Variants in SOCS4 observed in about 807,000 individuals in gnomAD.
SOCS4 encodes the protein SH2 domain containing SOCS box protein.
In SOCS4, 20 loss-of-function variants were observed where a neutral mutation model predicts 34.1. The observed-to-expected ratio is 0.59, with a 90% CI of 0.41 to 0.85. The LOEUF (loss-of-function observed/expected upper bound fraction) is 0.85. SOCS4 is among the 40% of genes least tolerant of loss of function. SOCS4 has a pLI of 0.00. For synonymous variants in SOCS4, 180 were observed against 186.4 expected (o/e 0.97, Z 0.28); for missense variants, 479 against 532.4 (o/e 0.90, Z 0.99).
At position 55,045,884 on chromosome 14, in the gene SOCS4, T is replaced by C. The variant is rs770874488; in HGVS notation, c.*1520T>C. On this transcript the variant is annotated 3_prime_UTR_variant, in exon 3 of 3. Coordinates refer to ENST00000555846, the MANE Select transcript of SOCS4 (RefSeq NM_199421.2). ...CCAAGTTAGAACAAATATTTCTTCATTATTGTTGCTTTTATGTGAGTAGCA... is the reference window on the plus strand; with the variant it reads ...CCAAGTTAGAACAAATATTTCTTCACTATTGTTGCTTTTATGTGAGTAGCA... The C allele has an allele frequency of 5.4e-5, 9 of 167,098 alleles. No individual in the cohort carries two copies. Among genetic ancestry groups the C allele is most frequent in the Non-Finnish European group, 1.2e-4 (8 of 68,004 alleles). 10.4% of individuals were successfully genotyped at this position (167,098 alleles called of 1,614,324 possible).
intron 2 of SOCS4, among the ~76,000 whole-genome samples, chr14:55,036,055 C>T (rs910904559): frequency 7.2e-5 from 11 of 152,106 alleles, no homozygotes; most frequent in East Asian, 5.8e-4. Context: ...TAATGCCTGC[C>T]GCCGCTATGC....
chr14:55,040,396 A>G (rs1348917526), intron 2 of SOCS4, among the ~76,000 whole-genome samples: 2 of 152,192 alleles, frequency 1.3e-5, no homozygotes, highest in Non-Finnish European at 2.9e-5. Flanking sequence ...GTCCTCCCAA[A>G]CACTTTTAAT....
chr14:55,027,655 G>A (rs1048311447), intron 1 of SOCS4, 184 bp downstream of exon 1: 5 of 152,254 alleles, frequency 3.3e-5, no homozygotes, highest in Admixed American at 6.5e-5. Context: ...ATCTTCTAGA[G>A]CCTCTAATCT....
intron 1 of SOCS4, among the ~76,000 whole-genome samples, chr14:55,030,333 A>G (rs2042517695): frequency 6.6e-6 from 1 of 152,178 alleles, no homozygotes; most frequent in Non-Finnish European, 1.5e-5. Flanking sequence ...GCTTCTAAAA[A>G]ACTACAATTT....
At position 55,048,302 on chromosome 14, in the gene SOCS4, A is replaced by G. The variant is rs2042694993; in HGVS notation, c.*3938A>G. On this transcript the variant is annotated 3_prime_UTR_variant, in exon 3 of 3. Transcript: ENST00000555846. Reference sequence around the variant, plus strand: ...TCAGAATCCAATAAACAGCTTACGCATTCATTTTGGTAAAGCAAATTTCAC... The same window carrying G: ...TCAGAATCCAATAAACAGCTTACGCGTTCATTTTGGTAAAGCAAATTTCAC... 6.0e-6 allele frequency: 1 copy of G among 167,128 alleles called. No individual in the cohort carries two copies. Among genetic ancestry groups the G allele is most frequent in the Non-Finnish European group, 1.5e-5 (1 of 68,132 alleles). 10.4% of individuals were successfully genotyped at this position (167,128 alleles called of 1,614,324 possible).
Position 55,047,437 on chromosome 14 carries a change from G to A in SOCS4, c.*3073G>A, listed in dbSNP as rs1467229999. On this transcript the variant is annotated 3_prime_UTR_variant, in exon 3 of 3. Transcript: ENST00000555846. ...TTTTTAAGGTTCCTTTAGCATTTTTGTATAGAGTTATATGTGATCTTTCTA... is the reference window on the plus strand; with the variant it reads ...TTTTTAAGGTTCCTTTAGCATTTTTATATAGAGTTATATGTGATCTTTCTA... 6 of 166,860 alleles carry A rather than the reference G, an allele frequency of 3.6e-5. No homozygotes were observed. The highest frequency in any genetic ancestry group is 1.3e-4 in the Admixed American group (2 of 15,276). The allele number at this position is 166,860 out of a possible 1,614,324, so 10.3% of individuals were successfully genotyped here. A position where few individuals can be genotyped will look rare whatever the true frequency, so the allele number is the denominator to read the frequency against.
chr14:55,041,555 T>G (rs565109451), intron 2 of SOCS4, among the ~76,000 whole-genome samples: 1 of 147,984 alleles, frequency 6.8e-6, no homozygotes, highest in East Asian at 2.1e-4. Context: ...CTCAGCCCAC[T>G]GCAACCTCTG....
intron 2 of SOCS4, among the ~76,000 whole-genome samples, chr14:55,035,478 A>G (rs2042564708): frequency 6.6e-6 from 1 of 152,148 alleles, no homozygotes; most frequent in African/African-American, 2.4e-5. Context: ...CCTCCTGAAA[A>G]TTATATTTGC....
rs751295645 is a variant in SOCS4, at chr14:55,043,731, C to T, written c.690C>T (p.Ser230=). The T allele has an allele frequency of 5.0e-5, 80 of 1,613,832 alleles. No homozygotes were observed. The highest frequency in any genetic ancestry group is 6.7e-5 in the African/African-American group (5 of 74,840). ...GTATAGAAGATAGTGATATGGATTC[C>T]GATGATGAAATTCTAACACTTTGCA... ...NNSIEDSDMD[S]DDEILTLCTS... is the part of the protein sequence containing the mutation. Residue 230 remains serine, a synonymous_variant, in exon 3 of 3, where the codon TCC becomes TCT. Transcript: ENST00000555846.
Position 55,044,759 on chromosome 14 carries a change from C to G in SOCS4, c.*395C>G, listed in dbSNP as rs953487520. The G allele has an allele frequency of 6.0e-6, 1 of 167,190 alleles. No individual in the cohort carries two copies. The highest frequency in any genetic ancestry group is 6.5e-5 in the Admixed American group (1 of 15,284). The allele number at this position is 167,190 out of a possible 1,614,324, so 10.4% of individuals were successfully genotyped here. ...TTTAAAAGTAATCTTATGTCCTTTC[C>G]TACATGTAAAATATTTTGTTAATCT... On this transcript the variant is annotated 3_prime_UTR_variant, in exon 3 of 3. Coordinates refer to ENST00000555846, the MANE Select transcript of SOCS4 (RefSeq NM_199421.2).
Position 55,043,155 on chromosome 14 carries a change from T to A in SOCS4, c.114T>A (p.Ser38=), listed in dbSNP as rs1243086823. The A allele has an allele frequency of 6.2e-7, 1 of 1,614,100 alleles. No individual in the cohort carries two copies. The change falls in exon 3 of 3, where the codon TCT becomes TCA. Residue 38 remains serine, a synonymous_variant. Transcript: ENST00000555846. The part of the protein sequence containing the change: ...DGYVWSGKKL[S]WSKKSESYSD... ...ATGTGTGGAGTGGAAAGAAGTTATC[T>A]TGGTCAAAAAAGAGTGAGAGTTATT...
At chr14:55,042,618 A>T (rs2042630444) in intron 2 of SOCS4, among the ~76,000 whole-genome samples, 1 of 152,196 alleles carries the variant, frequency 6.6e-6, no homozygotes, top group South Asian at 2.1e-4. Context: ...GTAAGGAGAG[A>T]TGAGCATAAG....
chr14:55,042,279 G>A (rs2042627528), intron 2 of SOCS4, among the ~76,000 whole-genome samples: 1 of 152,166 alleles, frequency 6.6e-6, no homozygotes, highest in Non-Finnish European at 1.5e-5. Flanking sequence ...AAATGAGTAT[G>A]TGTTTAAAAT....
intron 2 of SOCS4, among the ~76,000 whole-genome samples, chr14:55,034,811 CT>C (rs2042557783): frequency 6.8e-6 from 1 of 147,520 alleles, no homozygotes; most frequent in African/African-American, 2.5e-5. Flanking sequence ...CAGAGTGAGA[CT>C]TCACCTCAAA....
At chr14:55,037,054 T>G (rs899408399) in intron 2 of SOCS4, among the ~76,000 whole-genome samples, 1 of 152,000 alleles carries the variant, frequency 6.6e-6, no homozygotes, top group Non-Finnish European at 1.5e-5. Flanking sequence ...GAAACAGAGG[T>G]TGCAGTGAGC....
Position 55,043,152 on chromosome 14 carries a change from A to G in SOCS4, c.111A>G (p.Leu37=). 6.2e-7 allele frequency: 1 copy of G among 1,614,250 alleles called. No individual in the cohort carries two copies. The highest frequency in any genetic ancestry group is 8.5e-7 in the Non-Finnish European group (1 of 1,180,030). The change falls in exon 3 of 3, where the codon TTA becomes TTG. Residue 37 remains leucine, a synonymous_variant. Transcript: ENST00000555846. Reference sequence around the variant, plus strand: ...GTTATGTGTGGAGTGGAAAGAAGTTATCTTGGTCAAAAAAGAGTGAGAGTT... The same window carrying G: ...GTTATGTGTGGAGTGGAAAGAAGTTGTCTTGGTCAAAAAAGAGTGAGAGTT... ...KDGYVWSGKK[L]SWSKKSESYS...
At chr14:55,037,282 C>T (rs988447347) in intron 2 of SOCS4, among the ~76,000 whole-genome samples, 9 of 150,320 alleles carry the variant, frequency 6.0e-5, no homozygotes, top group African/African-American at 2.2e-4. Flanking sequence ...GTAGCTGGGA[C>T]TACAGGTGCC....
Position 55,043,450 on chromosome 14 carries a change from C to T in SOCS4, c.409C>T (p.Arg137Ter). The change falls in exon 3 of 3, where the codon CGA becomes TGA. Residue 137 changes from arginine (R) to a stop codon, truncating the protein, a stop_gained. Transcript: ENST00000555846. LOFTEE classifies it high-confidence loss of function. ...LMLDKCPFPPRSDLAFRWHFI... is the reference protein window; with the variant it reads ...LMLDKCPFPP Reference sequence around the variant, plus strand: ...GTTAGATAAGTGTCCTTTCCCACCTCGATCAGATTTAGCCTTTAGGTGGCA... The same window carrying T: ...GTTAGATAAGTGTCCTTTCCCACCTTGATCAGATTTAGCCTTTAGGTGGCA... 3.1e-6 allele frequency: 5 copies of T among 1,614,034 alleles called. No homozygotes were observed. The highest frequency in any genetic ancestry group is 2.2e-5 in the East Asian group (1 of 44,900).
Position 55,044,079 on chromosome 14 carries a change from A to G in SOCS4, c.1038A>G (p.Ala346=), listed in dbSNP as rs1286934717. Residue 346 remains alanine (A), a synonymous_variant, in exon 3 of 3, where the codon GCA becomes GCG. Coordinates refer to ENST00000555846, the MANE Select transcript of SOCS4 (RefSeq NM_199421.2). ...EQWNHNFSFD[A]HDPCVFHSPD... Reference sequence around the variant, plus strand: ...GGAATCACAACTTTAGCTTTGATGCACATGACCCCTGTGTCTTCCATTCTC... The same window carrying G: ...GGAATCACAACTTTAGCTTTGATGCGCATGACCCCTGTGTCTTCCATTCTC... The G allele has an allele frequency of 1.9e-6, 3 of 1,614,168 alleles. No homozygotes were observed. The highest frequency in any genetic ancestry group is 2.5e-6 in the Non-Finnish European group (3 of 1,180,014).
Sources: gnomAD v4.1 joint callset for allele counts (sites outside exome capture counted in the v4.1 genomes callset) on GRCh38, gnomAD v4.1.1 for gene constraint, MANE v1.5 for transcripts, NCBI Gene and HGNC (gene_info 2026-07-23, HGNC 2026-07-21) for gene names.